NRXN1: variants seen among roughly 807,000 people sequenced by gnomAD.
The protein encoded by NRXN1 is neurexin-1.
A neutral mutation model predicts 150.9 loss-of-function variants in NRXN1; 39 were observed. The observed-to-expected ratio is 0.26, with a 90% CI of 0.20 to 0.34. The LOEUF (loss-of-function observed/expected upper bound fraction) is 0.34. NRXN1 is among the 10% of genes least tolerant of loss of function. NRXN1 has a pLI of 1.00. For synonymous variants in NRXN1, 924 were observed against 757.0 expected (o/e 1.22, Z -3.62); for missense variants, 1,815 against 1,949.9 (o/e 0.93, Z 1.30).
At chr2:50,462,916 G>A (rs1249332768) in intron 17 of NRXN1, among the ~76,000 whole-genome samples, 1 of 151,682 alleles carries the variant, frequency 6.6e-6, no homozygotes, top group Non-Finnish European at 1.5e-5. Flanking sequence ...TTCTATTTTG[G>A]GGGAGGGAAG....
At chr2:50,536,405 A>G (rs1573448087) in intron 10 of NRXN1, among the ~76,000 whole-genome samples, 2 of 152,324 alleles carry the variant, frequency 1.3e-5, no homozygotes, top group Admixed American at 6.5e-5. Context: ...ACAAATCTAC[A>G]TATGCTTGCT....
chr2:50,481,867 G>A (rs1204678278), intron 15 of NRXN1, among the ~76,000 whole-genome samples: 1 of 125,602 alleles, frequency 8.0e-6, no homozygotes, highest in Admixed American at 8.5e-5. Context: ...CCGGGTTCAC[G>A]CTATTCTCCT....
chr2:50,060,059 TG>T (rs1447664452), intron 19 of NRXN1, among the ~76,000 whole-genome samples: 6 of 152,172 alleles, frequency 3.9e-5, no homozygotes, highest in African/African-American at 1.2e-4. Flanking sequence ...GACACCAGAA[TG>T]GTAGATCCAC....
intron 21 of NRXN1, among the ~76,000 whole-genome samples, chr2:49,986,424 A>C (rs954991949): frequency 3.3e-5 from 5 of 152,238 alleles, no homozygotes; most frequent in Non-Finnish European, 5.9e-5. Flanking sequence ...CATACATTTT[A>C]AAGAAAATAA....
At chr2:50,910,771 C>G (rs149658157) in intron 5 of NRXN1, among the ~76,000 whole-genome samples, 2 of 151,798 alleles carry the variant, frequency 1.3e-5, no homozygotes, top group African/African-American at 4.8e-5. Context: ...TGCCAGTGTG[C>G]GCAATGACTG....
chr2:50,837,736 C>A (rs1672309613), intron 5 of NRXN1, among the ~76,000 whole-genome samples: 1 of 151,784 alleles, frequency 6.6e-6, no homozygotes. Flanking sequence ...TTTGCATAAG[C>A]CAAGAAAAGA....
intron 17 of NRXN1, among the ~76,000 whole-genome samples, chr2:50,269,638 A>G (rs1193962351): frequency 6.6e-6 from 1 of 152,210 alleles, no homozygotes; most frequent in African/African-American, 2.4e-5. Flanking sequence ...TATGTTTTTA[A>G]AAAGAAAGAC....
intron 5 of NRXN1, among the ~76,000 whole-genome samples, chr2:50,812,730 GTGTGTGTGTGTGAGCGCA>G (rs1668394874): frequency 6.7e-6 from 1 of 149,390 alleles, no homozygotes; most frequent in South Asian, 2.1e-4. Context: ...AAGAGTGTGT[GTGTGTGTGTGTGAGCGCA>G]TGTGTGTGTG....
intron 5 of NRXN1, among the ~76,000 whole-genome samples, chr2:50,786,113 G>A (rs922569720): frequency 6.6e-6 from 1 of 152,050 alleles, no homozygotes; most frequent in Non-Finnish European, 1.5e-5. Flanking sequence ...ATCTTGGGAT[G>A]AGATGTTAAC....
chr2:50,738,429 T>C (rs1266828365), intron 5 of NRXN1, among the ~76,000 whole-genome samples: 1 of 152,188 alleles, frequency 6.6e-6, no homozygotes, highest in Non-Finnish European at 1.5e-5. Context: ...TCATTTAATA[T>C]CTAATTTATT....
At chr2:50,648,779 C>G (rs1198053732) in intron 5 of NRXN1, among the ~76,000 whole-genome samples, 1 of 151,866 alleles carries the variant, frequency 6.6e-6, no homozygotes, top group Non-Finnish European at 1.5e-5. Flanking sequence ...TGCTTCTACC[C>G]CACTTCTACC....
intron 5 of NRXN1, among the ~76,000 whole-genome samples, chr2:50,912,564 G>A (rs370380693): frequency 6.6e-6 from 1 of 151,656 alleles, no homozygotes; most frequent in African/African-American, 2.4e-5. Context: ...GTTTTAATGT[G>A]AGTGAAACAT....
chr2:50,189,880 G>A (rs1469352080), intron 18 of NRXN1, among the ~76,000 whole-genome samples: 1 of 152,142 alleles, frequency 6.6e-6, no homozygotes, highest in Non-Finnish European at 1.5e-5. Flanking sequence ...ACTCCTTCAT[G>A]CTATACAGTT....
rs2068274476 is a variant in NRXN1 at position 50,261,484 on chromosome 2, T to G, written c.3365-24514A>C. ...AATGTATAGCTGACACAGAATAAAG[T>G]GTTGGCCAAAACAGAGGAAATGTGC... On this transcript the variant is annotated intron_variant, in intron 17 of 22. Transcript: ENST00000401669. Among the ~76,000 whole-genome samples, 2 of 151,736 alleles carry G rather than the reference T, an allele frequency of 1.3e-5. 1 individual carries two copies. Among genetic ancestry groups the G allele is most frequent in the South Asian group, 4.1e-4 (2 of 4,826 alleles).
intron 5 of NRXN1, among the ~76,000 whole-genome samples, chr2:50,642,766 C>G (rs913951445): frequency 6.6e-6 from 1 of 151,870 alleles, no homozygotes; most frequent in Admixed American, 6.6e-5. Context: ...TTGGAAAGCA[C>G]TATTCAGGTT....
intron 21 of NRXN1, among the ~76,000 whole-genome samples, chr2:50,014,913 T>C (rs1686320358): frequency 6.6e-6 from 1 of 152,192 alleles, no homozygotes; most frequent in Non-Finnish European, 1.5e-5. Context: ...AAATTTTAGG[T>C]AATGCTATCA....
chr2:50,130,497 A>G (rs545480841), intron 18 of NRXN1, among the ~76,000 whole-genome samples: 25 of 152,290 alleles, frequency 1.6e-4, no homozygotes, highest in African/African-American at 5.8e-4. Context: ...TGGGGTTAAA[A>G]TCTTAACTAG....
intron 19 of NRXN1, among the ~76,000 whole-genome samples, chr2:50,083,216 C>A (rs1417430505): frequency 5.5e-4 from 84 of 152,302 alleles, no homozygotes; most frequent in Non-Finnish European, 1.2e-4. Context: ...TGGCAACTTA[C>A]AGACAAACTA....
In NRXN1 at chr2:50,700,854, G is replaced by C. The variant is rs1450435903; in HGVS notation, c.833-77239C>G. ...GGCTAATTTTTGTATTTTTAGTAGAGACGGGGTTTCACCGTGTTAGCCAGG... is the reference window on the plus strand; with the variant it reads ...GGCTAATTTTTGTATTTTTAGTAGACACGGGGTTTCACCGTGTTAGCCAGG... On this transcript the variant is annotated intron_variant, in intron 5 of 22. Transcript: ENST00000401669. 3.3e-5 allele frequency among the ~76,000 whole-genome samples: 5 copies of C among 150,866 alleles called. No homozygotes were observed. In the East Asian group the frequency reaches 7.9e-4, roughly 24 times the overall value.
Sources: gnomAD v4.1 joint callset for allele counts (sites outside exome capture counted in the v4.1 genomes callset) on GRCh38, gnomAD v4.1.1 for gene constraint, MANE v1.5 for transcripts, NCBI Gene and HGNC (gene_info 2026-07-23, HGNC 2026-07-21) for gene names.